RBM26: variants seen among roughly 807,000 people sequenced by gnomAD.
The protein encoded by RBM26 is RNA-binding protein 26.
A neutral mutation model predicts 123.6 loss-of-function variants in RBM26; 30 were observed. The observed-to-expected ratio is 0.24, with a 90% CI of 0.18 to 0.33. RBM26 has a LOEUF of 0.33. Among genes scored for constraint, RBM26 ranks in the 10% least tolerant of loss-of-function variants. RBM26 has a pLI of 1.00. For synonymous variants in RBM26, 400 were observed against 404.4 expected (o/e 0.99, Z 0.13); for missense variants, 947 against 1,203.6 (o/e 0.79, Z 3.15).
chr13:79,362,417 A>G (rs1418809416), intron 9 of RBM26, among the ~76,000 whole-genome samples: 5 of 152,128 alleles, frequency 3.3e-5, no homozygotes, highest in South Asian at 4.1e-4. Flanking sequence ...AATGCTTTTA[A>G]TTAGCCTCTT....
chr13:79,338,303 C>T (rs78382737), intron 18 of RBM26, among the ~76,000 whole-genome samples: 1 of 152,110 alleles, frequency 6.6e-6, no homozygotes. Context: ...AAAAGAACTT[C>T]AAAGATTTGC....
intron 9 of RBM26, among the ~76,000 whole-genome samples, chr13:79,364,292 G>A (rs1440316780): frequency 6.6e-6 from 1 of 152,040 alleles, no homozygotes; most frequent in Admixed American, 6.6e-5. Context: ...AAACATTCAA[G>A]GAAGATGCTC....
chr13:79,399,830 T>A (rs1267793200), intron 1 of RBM26, among the ~76,000 whole-genome samples: 1 of 152,066 alleles, frequency 6.6e-6, no homozygotes, highest in African/African-American at 2.4e-5. Context: ...AGCCAAAAAA[T>A]TTCAAGCCAG....
chr13:79,374,013 T>C (rs1422265014), intron 3 of RBM26, among the ~76,000 whole-genome samples: 3 of 151,800 alleles, frequency 2.0e-5, no homozygotes, highest in African/African-American at 7.3e-5. Context: ...ATTCAGGAAA[T>C]ATCGTGCAAG....
At chr13:79,373,332 AAT>A (rs1300845928) in intron 3 of RBM26, among the ~76,000 whole-genome samples, 3 of 106,108 alleles carry the variant, frequency 2.8e-5, no homozygotes, top group African/African-American at 3.8e-5. Context: ...ATAAATATAA[AAT>A]ATATATTATA....
At chr13:79,366,534 G>C in intron 7 of RBM26, 99 bp downstream of exon 7, 1 of 1,231,366 alleles carries the variant, frequency 8.1e-7, no homozygotes, top group East Asian at 2.5e-5. Flanking sequence ...AGGCATTTTT[G>C]GGATTCCTTT....
At position 79,338,270 on chromosome 13, in the gene RBM26, G is replaced by A. The variant is rs573369239; in HGVS notation, c.2533-968C>T. The stretch of plus-strand genomic sequence containing the variant: ...ATATTAATGAGAAGTGACTCAAAAC[G>A]TGAAGAAATGCTTTAAGATTCGAAA... On this transcript the variant is annotated intron_variant, in intron 18 of 21. Coordinates refer to ENST00000438737, the MANE Select transcript of RBM26 (RefSeq NM_001366735.2). 7.9e-5 allele frequency among the ~76,000 whole-genome samples: 12 copies of A among 152,250 alleles called. 1 individual carries two copies. The South Asian group carries it at 8.3e-4, about 11-fold the overall frequency.
At chr13:79,370,865 C>T (rs1312510857) in intron 5 of RBM26, 80 bp downstream of exon 5, 3 of 1,436,856 alleles carry the variant, frequency 2.1e-6, no homozygotes, top group Admixed American at 3.9e-5. Context: ...GAAGACAACA[C>T]TGACAAAATG....
At position 79,333,546 on chromosome 13, in the gene RBM26, A is replaced by T. The variant is rs367965227; in HGVS notation, c.2820+798T>A. Among the ~76,000 whole-genome samples the T allele has an allele frequency of 1.2e-4, 19 of 152,122 alleles. 1 individual carries two copies. Among genetic ancestry groups the T allele is most frequent in the Admixed American group, 9.8e-4 (15 of 15,278 alleles). On this transcript the variant is annotated intron_variant, in intron 20 of 21. Coordinates refer to ENST00000438737, the MANE Select transcript of RBM26 (RefSeq NM_001366735.2). ...ACTTAAAACTTCTGAAAAGCATCTC[A>T]CTCTTTCATTGCTTTCATTTGGAAA...
At chr13:79,343,107 A>G (rs1230648601) in intron 16 of RBM26, among the ~76,000 whole-genome samples, 2 of 151,750 alleles carry the variant, frequency 1.3e-5, no homozygotes, top group Non-Finnish European at 3.0e-5. Context: ...CAACCAGAAG[A>G]AACTCAATTC....
chr13:79,385,736 T>G (rs1028167522), intron 1 of RBM26, among the ~76,000 whole-genome samples: 1 of 152,192 alleles, frequency 6.6e-6, no homozygotes, highest in African/African-American at 2.4e-5. Context: ...TTTGTTTGAG[T>G]AATCAGAAGA....
In RBM26 at chr13:79,348,494, G is replaced by A. The variant is rs114699470; in HGVS notation, c.2059-3700C>T. On this transcript the variant is annotated intron_variant, in intron 14 of 21. Coordinates refer to ENST00000438737, the MANE Select transcript of RBM26 (RefSeq NM_001366735.2). Reference sequence around the variant, plus strand: ...AGTATTTTGTAAAATTAAGTTATCCGAGTATGATTTTTCAATAACCAATGC... The same window carrying A: ...AGTATTTTGTAAAATTAAGTTATCCAAGTATGATTTTTCAATAACCAATGC... 1.8e-3 allele frequency among the ~76,000 whole-genome samples: 267 copies of A among 152,190 alleles called. 1 individual carries two copies. The highest frequency in any genetic ancestry group is 6.2e-3 in the African/African-American group (258 of 41,552).
At chr13:79,376,001 T>C (rs1487000720) in intron 3 of RBM26, among the ~76,000 whole-genome samples, 1 of 152,030 alleles carries the variant, frequency 6.6e-6, no homozygotes, top group Admixed American at 6.6e-5. Context: ...ATTATTTTAC[T>C]TATTCCTCAC....
intron 20 of RBM26, among the ~76,000 whole-genome samples, chr13:79,324,714 A>T (rs1228716922): frequency 3.3e-5 from 5 of 151,742 alleles, no homozygotes; most frequent in Non-Finnish European, 5.9e-5. Flanking sequence ...TATTTTTTTT[A>T]AATCCCTAGG....
At chr13:79,396,705 AG>A (rs1482689030) in intron 1 of RBM26, among the ~76,000 whole-genome samples, 3 of 152,162 alleles carry the variant, frequency 2.0e-5, no homozygotes, top group Non-Finnish European at 4.4e-5. Flanking sequence ...AAATTTTTTC[AG>A]AAAAACGGAG....
At chr13:79,323,764 A>G (rs189888047) in intron 20 of RBM26, among the ~76,000 whole-genome samples, 1 of 151,838 alleles carries the variant, frequency 6.6e-6, no homozygotes, top group African/African-American at 2.4e-5. Context: ...TGAGGCTACA[A>G]CTTTCTAAAG....
intron 3 of RBM26, among the ~76,000 whole-genome samples, chr13:79,375,619 T>C (rs1282818903): frequency 1.3e-5 from 2 of 152,140 alleles, no homozygotes; most frequent in Non-Finnish European, 2.9e-5. Context: ...AGAACCCTTA[T>C]ACTGTTAGGT....
chr13:79,329,889 G>A (rs1319118285), intron 20 of RBM26, among the ~76,000 whole-genome samples: 3 of 151,994 alleles, frequency 2.0e-5, no homozygotes, highest in African/African-American at 4.8e-5. Flanking sequence ...GCCAACCTAC[G>A]TTAAAACCTA....
chr13:79,354,425 G>A lies in RBM26; in HGVS notation c.1986+14C>T. ...GAACCTATTACGGGCACAATCGTAAGACCTTTGCTTTACCTGAGGAAGGTC... is the reference window on the plus strand; with the variant it reads ...GAACCTATTACGGGCACAATCGTAAAACCTTTGCTTTACCTGAGGAAGGTC... On this transcript the variant is annotated intron_variant, in intron 13 of 21. Transcript: ENST00000438737. 1 of 1,540,940 alleles carries A rather than the reference G, an allele frequency of 6.5e-7. No homozygotes were observed. The highest frequency in any genetic ancestry group is 8.8e-7 in the Non-Finnish European group (1 of 1,136,762).
Sources: gnomAD v4.1 joint callset for allele counts (sites outside exome capture counted in the v4.1 genomes callset) on GRCh38, gnomAD v4.1.1 for gene constraint, MANE v1.5 for transcripts, NCBI Gene and HGNC (gene_info 2026-07-23, HGNC 2026-07-21) for gene names.